Variants in PLEKHM2 observed in about 807,000 individuals in gnomAD.
PLEKHM2 encodes the protein pleckstrin homology domain-containing family M member 2.
PLEKHM2 carries 77 observed loss-of-function variants against 116.3 expected under a neutral mutation model. The ratio of observed to expected loss-of-function variants is 0.66; its 90% CI spans 0.55 to 0.80. The LOEUF is 0.80. Among genes scored for constraint, PLEKHM2 ranks in the 30% least tolerant of loss-of-function variants. The pLI, the probability that PLEKHM2 is intolerant of heterozygous loss-of-function variation, is 0.00. For missense variants in PLEKHM2, 1,183 were observed against 1,354.9 expected (o/e 0.87, Z 1.99); for synonymous variants, 562 against 571.0 (o/e 0.98, Z 0.22).
chr1:15,692,156 G>A (rs573064133), intron 1 of PLEKHM2, among the ~76,000 whole-genome samples: 1 of 152,104 alleles, frequency 6.6e-6, no homozygotes, highest in Non-Finnish European at 1.5e-5. Context: ...CATTCCTGGA[G>A]AGGGACTGGT....
intron 1 of PLEKHM2, among the ~76,000 whole-genome samples, chr1:15,713,433 G>A (rs1264600935): frequency 6.6e-6 from 1 of 152,208 alleles, no homozygotes; most frequent in African/African-American, 2.4e-5. Flanking sequence ...ATGAACAAAT[G>A]TTTTCAGAAT....
chr1:15,732,265 G>A (rs1367734053), intron 17 of PLEKHM2, 85 bp from the exon 18 acceptor site: 3 of 1,197,762 alleles, frequency 2.5e-6, no homozygotes, highest in Non-Finnish European at 3.5e-6. Context: ...AGAGCAGAAG[G>A]GCTGGCTGGT....
In PLEKHM2 at chr1:15,707,565, G is replaced by A. The variant is rs1421996171; in HGVS notation, c.61-8672G>A. On this transcript the variant is annotated intron_variant, in intron 1 of 19. Transcript: ENST00000375799. ...TAGCCACCCTGCCCTAGACTCCCAC[G>A]AATTCTGAGATTTTCTGCCTTTCCC... Among the ~76,000 whole-genome samples the A allele has an allele frequency of 2.6e-5, 4 of 152,154 alleles. No individual in the cohort carries two copies. The East Asian group carries it at 5.8e-4, about 22-fold the overall frequency.
Position 15,716,815 on chromosome 1 carries a change from CAGTGAGT to C in PLEKHM2, c.277+3_277+9del, listed in dbSNP as rs1641456535. 1 of 1,559,558 alleles carries C rather than the reference CAGTGAGT, an allele frequency of 6.4e-7. No homozygotes were observed. Among genetic ancestry groups the C allele is most frequent in the Admixed American group, 1.9e-5 (1 of 51,790 alleles). On this transcript the variant is annotated splice_donor_variant and splice_donor_5th_base_variant and coding_sequence_variant and intron_variant, in exon 3 of 20. Transcript: ENST00000375799. LOFTEE classifies it high-confidence loss of function. ...AGCACGTGGCCACCAACCTGGGGCG[CAGTGAGT>C]AGTCACAAGGAGACGCTGGGGAAGG...
intron 3 of PLEKHM2, among the ~76,000 whole-genome samples, chr1:15,717,649 C>T (rs1275694746): frequency 6.6e-6 from 1 of 152,120 alleles, no homozygotes; most frequent in African/African-American, 2.4e-5. Flanking sequence ...AGAGTCCTGG[C>T]GTTTCTTGAC....
intron 14 of PLEKHM2, 81 bp from the exon 15 acceptor site, chr1:15,730,447 GAAAA>G: frequency 9.9e-7 from 1 of 1,005,780 alleles, no homozygotes; most frequent in Non-Finnish European, 1.4e-6. Context: ...ATCTCAAAAA[GAAAA>G]AAAAAGAACC....
intron 3 of PLEKHM2, 32 bp downstream of exon 3, chr1:15,716,848 G>A (rs367793432): frequency 2.2e-4 from 345 of 1,550,714 alleles, no homozygotes; most frequent in Middle Eastern, 2.0e-3. Flanking sequence ...CTGGGGAAGG[G>A]ACCAGCTCCA....
At chr1:15,710,086 G>A (rs1440133666) in intron 1 of PLEKHM2, among the ~76,000 whole-genome samples, 2 of 151,632 alleles carry the variant, frequency 1.3e-5, no homozygotes, top group African/African-American at 4.8e-5. Flanking sequence ...AATTAGCTGG[G>A]CATGGTGGCG....
chr1:15,725,406 C>T lies in PLEKHM2; in HGVS notation c.802C>T (p.Arg268Cys), dbSNP rs1403933542. 1.5e-5 allele frequency: 23 copies of T among 1,553,460 alleles called. No individual in the cohort carries two copies. The highest frequency in any genetic ancestry group is 5.9e-5 in the South Asian group (5 of 84,176). Residue 268 changes from arginine to cysteine, a missense_variant, in exon 8 of 20, where the codon CGC (arginine) becomes TGC (cysteine). Transcript: ENST00000375799. ...SKASTRSPTQRQNPFNEEPAE... is the reference protein window; with the variant it reads ...SKASTRSPTQCQNPFNEEPAE... ...GGCCTCCACCAGGAGCCCCACCCAG[C>T]GCCAGAACCCCTTCAACGAGGAGCC...
rs1290773472 is a variant in PLEKHM2, at chr1:15,721,307, G to A, written c.653-22G>A. On this transcript the variant is annotated intron_variant, in intron 6 of 19. Coordinates refer to ENST00000375799, the MANE Select transcript of PLEKHM2 (RefSeq NM_015164.4). The surrounding 1 kb of genome is among the most constrained non-coding windows in gnomAD (Gnocchi z 5.1). The stretch of plus-strand genomic sequence containing the variant: ...CCACTGCCTGTGTTTCTAATCTTCA[G>A]TTTTGTCCCTCGTTTTTGTAGATTA... 6.6e-7 allele frequency: 1 copy of A among 1,523,464 alleles called. No individual in the cohort carries two copies. The highest frequency in any genetic ancestry group is 2.0e-5 in the Admixed American group (1 of 51,042). The allele number at this position is 1,523,464 out of a possible 1,614,324, so 94.4% of individuals were successfully genotyped here. A position where few individuals can be genotyped will look rare whatever the true frequency, so the allele number is the denominator to read the frequency against.
At chr1:15,710,192 C>A (rs113356220) in intron 1 of PLEKHM2, among the ~76,000 whole-genome samples, 20,009 of 145,692 alleles carry the variant, frequency 0.14, 2,460 homozygotes, top group African/African-American at 0.33. Context: ...GCGCCACTGC[C>A]CTCCAGCCTG....
intron 1 of PLEKHM2, among the ~76,000 whole-genome samples, chr1:15,695,017 C>T (rs571681747): frequency 1.2e-3 from 179 of 152,328 alleles, no homozygotes; most frequent in African/African-American, 4.2e-3. Context: ...CTTGGCCTCC[C>T]AAAGTCCTGG....
Position 15,732,734 on chromosome 1 carries a change from C to T in PLEKHM2, c.2922+6C>T, listed in dbSNP as rs1253918209. 6.3e-7 allele frequency: 1 copy of T among 1,580,336 alleles called. No homozygotes were observed. Among genetic ancestry groups the T allele is most frequent in the Non-Finnish European group, 8.6e-7 (1 of 1,157,922 alleles). ...GGTGGAAAACCATCTATCAGGTACC[C>T]AGCTGCCCAGGAAACCCATTAGCCA... On this transcript the variant is annotated splice_donor_region_variant and intron_variant, in intron 19 of 19. Transcript: ENST00000375799.
At chr1:15,733,514 C>T (rs1313602055) in intron 19 of PLEKHM2, among the ~76,000 whole-genome samples, 1 of 152,258 alleles carries the variant, frequency 6.6e-6, no homozygotes, top group African/African-American at 2.4e-5. Flanking sequence ...ACAGACACCT[C>T]CCTGCAGAGC....
intron 2 of PLEKHM2, 107 bp from the exon 3 acceptor site, chr1:15,716,600 C>CT: frequency 8.7e-7 from 1 of 1,142,998 alleles, no homozygotes; most frequent in Non-Finnish European, 1.3e-6. Flanking sequence ...GGGAGACCTG[C>CT]TGGGGATCCA....
At position 15,732,651 on chromosome 1, in the gene PLEKHM2, G is replaced by C. The variant is rs1297674390; in HGVS notation, c.2845G>C (p.Val949Leu). ...QDSQQLLPPWVIYLSCTSELD... is the reference protein window; with the variant it reads ...QDSQQLLPPWLIYLSCTSELD... Reference sequence around the variant, plus strand: ...CAGCCAGCAGCTCCTCCCGCCCTGGGTCATCTACCTGAGCTGCACTTCTGA... The same window carrying C: ...CAGCCAGCAGCTCCTCCCGCCCTGGCTCATCTACCTGAGCTGCACTTCTGA... The change falls in exon 19 of 20, where the codon GTC (valine) becomes CTC (leucine). Residue 949 changes from valine (V) to leucine (L), a missense_variant. Coordinates refer to ENST00000375799, the MANE Select transcript of PLEKHM2 (RefSeq NM_015164.4). 18 of 1,609,124 alleles carry C rather than the reference G, an allele frequency of 1.1e-5. No homozygotes were observed. Among genetic ancestry groups the C allele is most frequent in the Non-Finnish European group, 1.5e-5 (18 of 1,177,908 alleles).
intron 3 of PLEKHM2, 139 bp downstream of exon 3, chr1:15,716,955 T>A: frequency 9.5e-7 from 1 of 1,056,310 alleles, no homozygotes; most frequent in Non-Finnish European, 1.4e-6. Context: ...AGTGGGGTGT[T>A]AAAATGCCAG....
chr1:15,704,555 T>A (rs938078019), intron 1 of PLEKHM2, among the ~76,000 whole-genome samples: 1 of 152,154 alleles, frequency 6.6e-6, no homozygotes, highest in African/African-American at 2.4e-5. Context: ...TTACAAAAAA[T>A]TCACAATAAC....
intron 8 of PLEKHM2, among the ~76,000 whole-genome samples, chr1:15,726,275 A>T (rs948318883): frequency 5.3e-5 from 8 of 152,202 alleles, no homozygotes; most frequent in Non-Finnish European, 1.2e-4. Flanking sequence ...GAAAGGAAGG[A>T]CATGGTGGGT....
Sources: gnomAD v4.1 joint callset for allele counts (sites outside exome capture counted in the v4.1 genomes callset) on GRCh38, gnomAD v4.1.1 for gene constraint, Gnocchi (gnomAD v3.1) non-coding constraint, MANE v1.5 for transcripts, NCBI Gene and HGNC (gene_info 2026-07-23, HGNC 2026-07-21) for gene names.